Variants in PLPP4 observed in about 807,000 individuals in gnomAD.
The protein encoded by PLPP4 is phospholipid phosphatase 4, also known as diacylglycerol pyrophosphate like 2.
PLPP4 carries 20 observed loss-of-function variants against 32.2 expected under a neutral mutation model. That is an observed-to-expected ratio of 0.62 (90% confidence interval 0.44 to 0.90). The LOEUF (loss-of-function observed/expected upper bound fraction) is 0.90, where lower values mean the gene tolerates loss of function less well. PLPP4 is among the 40% of genes least tolerant of loss of function. PLPP4 has a pLI of 0.00. For synonymous variants in PLPP4, 127 were observed against 133.0 expected, an observed-to-expected ratio of 0.95 and a Z score of 0.31; for missense variants, 257 against 353.1, an observed-to-expected ratio of 0.73 and a Z score of 2.18.
At chr10:120,494,849 T>G (rs1234346978) in intron 1 of PLPP4, among the ~76,000 whole-genome samples, 1 of 152,206 alleles carries the variant, frequency 6.6e-6, no homozygotes, top group Non-Finnish European at 1.5e-5. Flanking sequence ...AAAAATCTGA[T>G]CTCAGTTGTC....
intron 5 of PLPP4, among the ~76,000 whole-genome samples, chr10:120,573,906 T>C (rs866841348): frequency 6.6e-6 from 1 of 152,106 alleles, no homozygotes; most frequent in Non-Finnish European, 1.5e-5. Flanking sequence ...GGGCAGTCTC[T>C]TAAAGTTGCT....
intron 5 of PLPP4, among the ~76,000 whole-genome samples, chr10:120,550,861 C>T (rs1847866443): frequency 6.6e-6 from 1 of 151,892 alleles, no homozygotes; most frequent in Non-Finnish European, 1.5e-5. Flanking sequence ...AGGAGAAACA[C>T]AACAGCACCA....
intron 5 of PLPP4, among the ~76,000 whole-genome samples, chr10:120,546,450 A>G (rs1847624963): frequency 6.6e-6 from 1 of 152,182 alleles, no homozygotes; most frequent in Non-Finnish European, 1.5e-5. Context: ...AGAATCACTC[A>G]TCAATTCCTT....
chr10:120,486,251 A>G (rs951690360), intron 1 of PLPP4, among the ~76,000 whole-genome samples: 2 of 114,132 alleles, frequency 1.8e-5, no homozygotes, highest in African/African-American at 6.8e-5. Context: ...CTTTCCTCCC[A>G]TTTCATTTAA....
At chr10:120,461,940 C>T (rs1458072255) in intron 1 of PLPP4, among the ~76,000 whole-genome samples, 3 of 152,210 alleles carry the variant, frequency 2.0e-5, no homozygotes, top group Non-Finnish European at 2.9e-5. Context: ...TGCTTGAGGG[C>T]ACTGGATGTC....
At chr10:120,552,841 A>G (rs942033209) in intron 5 of PLPP4, among the ~76,000 whole-genome samples, 1 of 152,220 alleles carries the variant, frequency 6.6e-6, no homozygotes, top group Non-Finnish European at 1.5e-5. Flanking sequence ...ACAACTCTTC[A>G]AAGAACTGAG....
intron 1 of PLPP4, among the ~76,000 whole-genome samples, chr10:120,493,943 G>A (rs1844838407): frequency 6.6e-6 from 1 of 152,156 alleles, no homozygotes; most frequent in Admixed American, 6.5e-5. Context: ...GGAGGGTGGG[G>A]TGGTCCCTGG....
intron 5 of PLPP4, among the ~76,000 whole-genome samples, chr10:120,543,184 C>T (rs1021948742): frequency 1.3e-5 from 2 of 152,138 alleles, no homozygotes; most frequent in Admixed American, 6.5e-5. Flanking sequence ...GGGATAGAGC[C>T]GGGGGTCCCA....
chr10:120,538,266 T>C (rs1429917348), intron 5 of PLPP4, among the ~76,000 whole-genome samples: 1 of 151,198 alleles, frequency 6.6e-6, no homozygotes, highest in Non-Finnish European at 1.5e-5. Flanking sequence ...GGCATCTCCT[T>C]GGAAAATGCA....
At chr10:120,527,833 G>T (rs750856413) in intron 5 of PLPP4, among the ~76,000 whole-genome samples, 1 of 152,106 alleles carries the variant, frequency 6.6e-6, no homozygotes, top group African/African-American at 2.4e-5. Flanking sequence ...TATGAATTGA[G>T]AAATTATCAC....
intron 2 of PLPP4, among the ~76,000 whole-genome samples, chr10:120,504,306 C>T (rs1265331821): frequency 6.6e-6 from 1 of 152,216 alleles, no homozygotes; most frequent in Non-Finnish European, 1.5e-5. Context: ...TACTGTGTCC[C>T]GTCTCCATTG....
At chr10:120,476,254 C>A (rs1333939448) in intron 1 of PLPP4, among the ~76,000 whole-genome samples, 3 of 152,208 alleles carry the variant, frequency 2.0e-5, no homozygotes, top group Non-Finnish European at 2.9e-5. Flanking sequence ...GCCCCAGGGC[C>A]AGCTCTTTGG....
chr10:120,494,307 C>T (rs1235091820), intron 1 of PLPP4, among the ~76,000 whole-genome samples: 6 of 152,172 alleles, frequency 3.9e-5, no homozygotes, highest in South Asian at 4.1e-4. Flanking sequence ...CTGAGGTAGG[C>T]GCTATTATCA....
intron 5 of PLPP4, among the ~76,000 whole-genome samples, chr10:120,522,135 C>CA (rs377148203): frequency 3.3e-5 from 5 of 152,190 alleles, no homozygotes; most frequent in African/African-American, 7.2e-5. Flanking sequence ...AGGCTCTTCT[C>CA]ATGATGCCAA....
At chr10:120,487,528 C>T (rs540547834) in intron 1 of PLPP4, among the ~76,000 whole-genome samples, 1 of 152,342 alleles carries the variant, frequency 6.6e-6, no homozygotes, top group Admixed American at 6.5e-5. Context: ...ATTTATTTCT[C>T]AGCTTACTAT....
rs373208510 is a variant in PLPP4, at chr10:120,555,345, A to G, written c.446-19786A>G. Among the ~76,000 whole-genome samples, 8 of 152,296 alleles carry G rather than the reference A, an allele frequency of 5.3e-5. 1 individual carries two copies. The highest frequency in any genetic ancestry group is 1.3e-4 in the Admixed American group (2 of 15,304). ...CCCAACTGGCTTTTTTCTAGTGTTT[A>G]AATCACATTTTGTATTTTCCTTGCA... On this transcript the variant is annotated intron_variant, in intron 5 of 6. Coordinates refer to ENST00000398250, the MANE Select transcript of PLPP4 (RefSeq NM_001030059.3).
chr10:120,476,602 G>A (rs775581713), intron 1 of PLPP4, among the ~76,000 whole-genome samples: 5 of 152,102 alleles, frequency 3.3e-5, no homozygotes, highest in Admixed American at 6.5e-5. Flanking sequence ...ATACTGGCCC[G>A]CCCACTGCGG....
chr10:120,505,495 A>G (rs1490637782), intron 2 of PLPP4, among the ~76,000 whole-genome samples: 1 of 152,224 alleles, frequency 6.6e-6, no homozygotes. Context: ...GAAACTTCAT[A>G]GACACACCGG....
intron 5 of PLPP4, among the ~76,000 whole-genome samples, chr10:120,544,342 C>T (rs986691549): frequency 6.6e-6 from 1 of 152,206 alleles, no homozygotes; most frequent in Non-Finnish European, 1.5e-5. Flanking sequence ...GTGTCATCTT[C>T]TCTGCCTGGG....
Sources: allele counts gnomAD v4.1 joint callset (sites outside exome capture counted in the v4.1 genomes callset), GRCh38; gene constraint gnomAD v4.1.1; transcripts MANE v1.5; gene names NCBI Gene and HGNC (gene_info 2026-07-23, HGNC 2026-07-21).